The following TRIQK variants were observed in gnomAD, a reference collection of about 807,000 sequenced individuals.
TRIQK encodes the protein triple QxxK/R motif-containing protein.
A neutral mutation model predicts 10.8 loss-of-function variants in TRIQK; 10 were observed. The observed-to-expected ratio is 0.92, with a 90% CI of 0.57 to 1.57. TRIQK has a LOEUF of 1.57. Among genes scored for constraint, TRIQK ranks in the 40% most tolerant of loss-of-function variants. TRIQK has a pLI of 0.00. For missense variants in TRIQK, 107 were observed against 97.7 expected (o/e 1.09, Z -0.40); for synonymous variants, 33 against 33.7 (o/e 0.98, Z 0.07).
intron 2 of TRIQK, among the ~76,000 whole-genome samples, chr8:92,950,540 G>C (rs1302716179): frequency 6.6e-6 from 1 of 151,988 alleles, no homozygotes; most frequent in Non-Finnish European, 1.5e-5. Flanking sequence ...TAAACTTCTT[G>C]ATGTTTTTTC....
intron 3 of TRIQK, among the ~76,000 whole-genome samples, chr8:92,898,329 C>T (rs1291952244): frequency 6.6e-6 from 1 of 152,124 alleles, no homozygotes; most frequent in Non-Finnish European, 1.5e-5. Context: ...GGCTGCTACG[C>T]TAACGTTTTC....
chr8:92,911,668 T>A (rs2130422730), intron 3 of TRIQK, among the ~76,000 whole-genome samples: 1 of 151,226 alleles, frequency 6.6e-6, no homozygotes, highest in Admixed American at 6.6e-5. Context: ...CAAAAACTGT[T>A]ACAAGAGATG....
intron 1 of TRIQK, among the ~76,000 whole-genome samples, chr8:92,979,308 A>G (rs1812962392): frequency 6.6e-6 from 1 of 152,126 alleles, no homozygotes; most frequent in African/African-American, 2.4e-5. Flanking sequence ...GTAGGATGAA[A>G]GACACTGTTG....
At chr8:92,997,355 A>T (rs754248798) in intron 1 of TRIQK, among the ~76,000 whole-genome samples, 15 of 152,098 alleles carry the variant, frequency 9.9e-5, no homozygotes, top group Non-Finnish European at 2.1e-4. Context: ...TATTATTTGC[A>T]TATTAAAAGA....
At chr8:92,965,043 T>C (rs1812664437) in intron 1 of TRIQK, 1 of 152,166 alleles carries the variant, frequency 6.6e-6, no homozygotes, top group African/African-American at 2.4e-5. Flanking sequence ...AGACAGAGTA[T>C]ATGAGCAAAC....
chr8:92,973,090 G>C (rs918823174), intron 1 of TRIQK: 7 of 152,198 alleles, frequency 4.6e-5, no homozygotes, highest in African/African-American at 1.7e-4. Flanking sequence ...CAAAGCAAAT[G>C]TGAGGTAAGC....
At chr8:93,012,886 A>T (rs904180078) in intron 1 of TRIQK, among the ~76,000 whole-genome samples, 2 of 152,190 alleles carry the variant, frequency 1.3e-5, no homozygotes, top group Non-Finnish European at 1.5e-5. Flanking sequence ...CCTTAGCTCT[A>T]GATGTATTGA....
At chr8:93,007,342 C>T (rs939309762) in intron 1 of TRIQK, among the ~76,000 whole-genome samples, 1 of 152,140 alleles carries the variant, frequency 6.6e-6, no homozygotes, top group East Asian at 1.9e-4. Context: ...ACAACAGAAT[C>T]GACAAAAATG....
chr8:92,941,068 ATTTAT>A lies in TRIQK; in HGVS notation c.-22+13333_-22+13337del, dbSNP rs1811248231. ...AAATTAAAAGGGAAATTTATTTATT[ATTTAT>A]TTATTTATTTTGAGGCAGAGTCTCA... On this transcript the variant is annotated intron_variant, in intron 2 of 4. Transcript: ENST00000521988. 7 of 151,838 alleles carry A rather than the reference ATTTAT, an allele frequency of 4.6e-5. No individual in the cohort carries two copies. The South Asian group carries it at 1.0e-3, about 22-fold the overall frequency. The allele number at this position is 151,838 out of a possible 1,614,324, so 9.4% of individuals were successfully genotyped here.
upstream of TRIQK, among the ~76,000 whole-genome samples, chr8:92,969,784 T>A (rs1253377993): frequency 8.4e-6 from 1 of 119,602 alleles, no homozygotes; most frequent in African/African-American, 5.0e-5. Flanking sequence ...TTAAAAAAAA[T>A]TAATTTTTTT....
At chr8:92,919,723 C>A (rs1810072403) in intron 2 of TRIQK, among the ~76,000 whole-genome samples, 1 of 151,672 alleles carries the variant, frequency 6.6e-6, no homozygotes, top group African/African-American at 2.4e-5. Context: ...GGGATTAGTT[C>A]TTTAACTGTT....
chr8:92,968,518 A>C (rs1812839768), upstream of TRIQK, among the ~76,000 whole-genome samples: 2 of 152,092 alleles, frequency 1.3e-5, no homozygotes, highest in Non-Finnish European at 2.9e-5. Flanking sequence ...ATGGTATCTC[A>C]TTGTGGTTTT....
intron 2 of TRIQK, chr8:92,926,380 C>G (rs991895602): frequency 1.3e-5 from 2 of 151,846 alleles, no homozygotes; most frequent in Non-Finnish European, 2.9e-5. Context: ...GGTAAGAAAG[C>G]AGAAATGAAA....
intron 1 of TRIQK, among the ~76,000 whole-genome samples, chr8:92,957,954 A>G (rs1268269003): frequency 3.9e-5 from 6 of 151,946 alleles, no homozygotes; most frequent in Admixed American, 3.9e-4. Flanking sequence ...ATAATCATAG[A>G]ATTAAAGAAC....
Position 92,938,616 on chromosome 8 carries a change from G to C in TRIQK, c.-22+15790C>G, listed in dbSNP as rs978569661. 6.6e-5 allele frequency among the ~76,000 whole-genome samples: 10 copies of C among 151,658 alleles called. No homozygotes were observed. In the East Asian group the frequency reaches 2.0e-3, roughly 30 times the overall value. ...CTTCCCCTGCCCCTGCCACTATTCT[G>C]AGACTACATCTACACATATATGAGA... On this transcript the variant is annotated intron_variant, in intron 2 of 4. Transcript: ENST00000521988.
At chr8:92,944,480 T>A (rs957003899) in intron 2 of TRIQK, among the ~76,000 whole-genome samples, 29 of 151,946 alleles carry the variant, frequency 1.9e-4, no homozygotes, top group African/African-American at 6.8e-4. Flanking sequence ...AACGAATAAG[T>A]GGATAAATAA....
intron 2 of TRIQK, among the ~76,000 whole-genome samples, chr8:92,935,800 A>G (rs1810958726): frequency 6.6e-6 from 1 of 151,568 alleles, no homozygotes; most frequent in Non-Finnish European, 1.5e-5. Flanking sequence ...AGAAGATTCT[A>G]TTAAAAATGC....
rs1435832630 is a variant in TRIQK, at chr8:92,885,068, A to AGT, written c.*1552_*1553dup. 1 of 448,818 alleles carries AGT rather than the reference A, an allele frequency of 2.2e-6. No homozygotes were observed. The highest frequency in any genetic ancestry group is 4.5e-6 in the Non-Finnish European group (1 of 220,810). 27.8% of individuals were successfully genotyped at this position (448,818 alleles called of 1,614,324 possible). On this transcript the variant is annotated 3_prime_UTR_variant, in exon 5 of 5. Coordinates refer to ENST00000521988, the MANE Select transcript of TRIQK (RefSeq NM_001171797.2). ...TCTTGGTCTGTCTCTTGAGTCTGTGAGTTCAAAGGGAAGAATCTAGTAAAT... is the reference window on the plus strand; with the variant it reads ...TCTTGGTCTGTCTCTTGAGTCTGTGAGTGTTCAAAGGGAAGAATCTAGTAAAT...
intron 3 of TRIQK, among the ~76,000 whole-genome samples, chr8:92,910,630 T>A (rs1042368225): frequency 6.6e-5 from 10 of 150,772 alleles, no homozygotes; most frequent in Non-Finnish European, 1.2e-4. Flanking sequence ...AATAAAGGGA[T>A]AAGAAAAATA....
Sources: allele counts gnomAD v4.1 joint callset (sites outside exome capture counted in the v4.1 genomes callset), GRCh38; gene constraint gnomAD v4.1.1; transcripts MANE v1.5; gene names NCBI Gene and HGNC (gene_info 2026-07-23, HGNC 2026-07-21).